The following DPP10 variants were observed in gnomAD, a reference collection of about 807,000 sequenced individuals.
DPP10 encodes the protein dipeptidyl peptidase like 10.
Under a neutral mutation model 120.9 loss-of-function variants are expected in DPP10, and 33 were observed. That is an observed-to-expected ratio of 0.27 (90% confidence interval 0.21 to 0.37). DPP10 has a LOEUF of 0.37. Ranked by LOEUF, DPP10 falls within the 10% of genes least tolerant of loss-of-function variation. The pLI is 1.00. For missense variants in DPP10, 816 were observed against 942.8 expected (o/e 0.87, Z 1.76); for synonymous variants, 337 against 326.1 (o/e 1.03, Z -0.36).
intron 4 of DPP10, among the ~76,000 whole-genome samples, chr2:115,507,642 A>C (rs1171639795): frequency 6.6e-6 from 1 of 152,166 alleles, no homozygotes; most frequent in Non-Finnish European, 1.5e-5. Context: ...AGATGAACTC[A>C]ATGAGATAAC....
intron 1 of DPP10, chr2:115,162,104 C>A (rs1473015930): frequency 6.6e-6 from 10 of 1,508,158 alleles, no homozygotes; most frequent in Non-Finnish European, 8.9e-6. Context: ...CTCCCGCTTC[C>A]CAGGCTGGGC....
intron 1 of DPP10, among the ~76,000 whole-genome samples, chr2:114,893,641 G>C (rs527910455): frequency 6.6e-6 from 1 of 152,254 alleles, no homozygotes; most frequent in South Asian, 2.1e-4. Context: ...AATATGGGGA[G>C]CAGTGATTTC....
chr2:115,393,585 AT>A (rs2067468381), intron 3 of DPP10, among the ~76,000 whole-genome samples: 1 of 152,150 alleles, frequency 6.6e-6, no homozygotes, highest in African/African-American at 2.4e-5. Flanking sequence ...ATTGTATTAA[AT>A]TCATTAAGGG....
intron 1 of DPP10, among the ~76,000 whole-genome samples, chr2:114,450,252 C>T (rs533429200): frequency 6.6e-6 from 1 of 152,212 alleles, no homozygotes; most frequent in Non-Finnish European, 1.5e-5. Context: ...AAATCTTATG[C>T]AGAATTTTCT....
chr2:114,865,290 G>T (rs2106543752), intron 1 of DPP10, among the ~76,000 whole-genome samples: 1 of 152,310 alleles, frequency 6.6e-6, no homozygotes, highest in Middle Eastern at 3.4e-3. Context: ...GTCTGAAAAT[G>T]ACAGTTATGT....
At chr2:115,035,878 CT>C (rs1456262869) in intron 1 of DPP10, among the ~76,000 whole-genome samples, 6 of 152,164 alleles carry the variant, frequency 3.9e-5, no homozygotes, top group African/African-American at 1.4e-4. Context: ...CCTTTTTCCT[CT>C]GATACATTTG....
chr2:115,798,607 A>G (rs983419335), intron 19 of DPP10, among the ~76,000 whole-genome samples: 1 of 152,114 alleles, frequency 6.6e-6, no homozygotes, highest in African/African-American at 2.4e-5. Flanking sequence ...TCCAACATAC[A>G]TATATTTTTG....
intron 1 of DPP10, among the ~76,000 whole-genome samples, chr2:114,732,112 T>C (rs1676978104): frequency 6.6e-6 from 1 of 152,206 alleles, no homozygotes; most frequent in Non-Finnish European, 1.5e-5. Flanking sequence ...TAATGCTATA[T>C]GTACTAAAAA....
intron 1 of DPP10, among the ~76,000 whole-genome samples, chr2:114,690,850 A>G (rs1272257528): frequency 6.6e-6 from 1 of 152,012 alleles, no homozygotes; most frequent in Non-Finnish European, 1.5e-5. Context: ...GAGTTCATTC[A>G]TGATTTGGCT....
chr2:114,458,373 C>G (rs773847063), intron 1 of DPP10, among the ~76,000 whole-genome samples: 4 of 152,108 alleles, frequency 2.6e-5, no homozygotes, highest in Non-Finnish European at 5.9e-5. Context: ...TCATCTCTCC[C>G]CTATTTGCCT....
At chr2:115,072,048 C>T (rs753618670) in intron 1 of DPP10, among the ~76,000 whole-genome samples, 4 of 151,488 alleles carry the variant, frequency 2.6e-5, no homozygotes, top group South Asian at 2.1e-4. Context: ...AAGACAGGGA[C>T]GATAGAGGAA....
intron 1 of DPP10, among the ~76,000 whole-genome samples, chr2:114,937,156 G>A (rs773963025): frequency 6.6e-6 from 1 of 152,102 alleles, no homozygotes; most frequent in Non-Finnish European, 1.5e-5. Flanking sequence ...TGGTCATGAA[G>A]TCTTTGCCTA....
At chr2:114,937,529 T>C (rs1455377858) in intron 1 of DPP10, among the ~76,000 whole-genome samples, 1 of 152,196 alleles carries the variant, frequency 6.6e-6, no homozygotes, top group Non-Finnish European at 1.5e-5. Flanking sequence ...CCCACCTGTT[T>C]ACCCTTAAGG....
At chr2:115,800,477 T>G (rs1010296249) in intron 19 of DPP10, among the ~76,000 whole-genome samples, 1 of 152,202 alleles carries the variant, frequency 6.6e-6, no homozygotes, top group Non-Finnish European at 1.5e-5. Context: ...TTGTTGCCAT[T>G]GCTTTTGGTA....
chr2:115,465,815 T>C (rs2074293363), intron 3 of DPP10, among the ~76,000 whole-genome samples: 1 of 135,200 alleles, frequency 7.4e-6, no homozygotes, highest in Non-Finnish European at 1.6e-5. Context: ...GAGTGAGGCT[T>C]CATCTCAAAA....
At chr2:115,078,442 C>T (rs974094680) in intron 1 of DPP10, among the ~76,000 whole-genome samples, 3 of 151,974 alleles carry the variant, frequency 2.0e-5, no homozygotes, top group East Asian at 1.9e-4. Context: ...AAAAGAATTA[C>T]GAGAAAATAT....
rs146701797 is a variant in DPP10 at position 114,651,644 on chromosome 2, A to T, written c.60+208806A>T. Reference sequence around the variant, plus strand: ...TAAAATCTCCTAGAAACGGTTAATTAAGATTTTTTTTTTAAAGACTGTGCT... The same window carrying T: ...TAAAATCTCCTAGAAACGGTTAATTTAGATTTTTTTTTTAAAGACTGTGCT... On this transcript the variant is annotated intron_variant, in intron 1 of 25. Coordinates refer to ENST00000410059, the MANE Select transcript of DPP10 (RefSeq NM_020868.6). Among the ~76,000 whole-genome samples, 67 of 152,282 alleles carry T rather than the reference A, an allele frequency of 4.4e-4. 1 individual carries two copies. The highest frequency in any genetic ancestry group is 1.6e-3 in the African/African-American group (66 of 41,570).
chr2:114,731,579 A>G (rs1468791193), intron 1 of DPP10, among the ~76,000 whole-genome samples: 3 of 152,140 alleles, frequency 2.0e-5, no homozygotes, highest in Admixed American at 6.5e-5. Flanking sequence ...ACTTACTTAC[A>G]CTGGCAGATG....
chr2:115,150,503 C>A (rs529548174), intron 1 of DPP10, among the ~76,000 whole-genome samples: 1 of 152,204 alleles, frequency 6.6e-6, no homozygotes, highest in African/African-American at 2.4e-5. Context: ...ATTACCACCA[C>A]CCATTATAAT....
Sources: gnomAD v4.1 joint callset for allele counts (sites outside exome capture counted in the v4.1 genomes callset) on GRCh38, gnomAD v4.1.1 for gene constraint, MANE v1.5 for transcripts, NCBI Gene and HGNC (gene_info 2026-07-23, HGNC 2026-07-21) for gene names.